Variants in CALN1 observed in about 807,000 individuals in gnomAD.
The protein encoded by CALN1 is calcium-binding protein 8.
A neutral mutation model predicts 30.6 loss-of-function variants in CALN1; 17 were observed. The observed-to-expected ratio is 0.56, with a 90% CI of 0.38 to 0.83. The LOEUF is 0.83. CALN1 is among the 40% of genes least tolerant of loss of function. CALN1 has a pLI of 0.00. For missense variants in CALN1, 291 were observed against 354.9 expected (o/e 0.82, Z 1.45); for synonymous variants, 156 against 131.4 (o/e 1.19, Z -1.28).
At chr7:71,948,168 A>G (rs1045924778) in intron 5 of CALN1, among the ~76,000 whole-genome samples, 6 of 152,078 alleles carry the variant, frequency 3.9e-5, no homozygotes, top group Non-Finnish European at 8.8e-5. Flanking sequence ...AGGACTCACA[A>G]TCGGTCTGGG....
At chr7:71,924,769 T>A (rs551078141) in intron 5 of CALN1, among the ~76,000 whole-genome samples, 3 of 152,274 alleles carry the variant, frequency 2.0e-5, no homozygotes, top group Admixed American at 6.5e-5. Flanking sequence ...TTCTCCTGAT[T>A]TTTTTCTCTC....
intron 2 of CALN1, among the ~76,000 whole-genome samples, chr7:72,358,715 C>T (rs1015314914): frequency 2.0e-5 from 3 of 152,002 alleles, no homozygotes; most frequent in Non-Finnish European, 2.9e-5. Flanking sequence ...CTTTGGGAGG[C>T]GGAGGCAAGC....
At chr7:72,501,515 TAAAGAAGG>T in the CALN1 span, among the ~76,000 whole-genome samples, 4 of 88,442 alleles carry the variant, frequency 4.5e-5, no homozygotes, top group African/African-American at 8.7e-5. Context: ...AGGAAGGAAG[TAAAGAAGG>T]AAAGAAGGAA....
intron 3 of CALN1, among the ~76,000 whole-genome samples, chr7:72,244,724 A>G (rs17581634): frequency 0.34 from 51,455 of 151,460 alleles, 10,029 homozygotes; most frequent in Middle Eastern, 0.53. Flanking sequence ...CCAGACAGAG[A>G]AAATATAGTT....
rs1179924527 is a variant in CALN1, at chr7:71,948,744, A to T, written c.501+74913T>A. Among the ~76,000 whole-genome samples the T allele has an allele frequency of 2.0e-3, 275 of 140,280 alleles. 3 individuals carry two copies. The highest frequency in any genetic ancestry group is 6.7e-3 in the African/African-American group (257 of 38,174). The allele number at this position is 140,280 out of a possible 152,430, so 92.0% of individuals were successfully genotyped here. On this transcript the variant is annotated intron_variant, in intron 5 of 6. Coordinates refer to ENST00000395275, the MANE Select transcript of CALN1 (RefSeq NM_031468.4). The stretch of plus-strand genomic sequence containing the variant: ...AGACTCTGTCTCAAAAAAAAAAAAA[A>T]TAATAATTTGTTTTCAGCCAGGTGC...
Position 71,971,953 on chromosome 7 carries a change from A to AAAAGAAAGAAAGAAAGAAAG in CALN1, c.501+51684_501+51703dup, listed in dbSNP as rs61083921. Among the ~76,000 whole-genome samples the AAAAGAAAGAAAGAAAGAAAG allele has an allele frequency of 2.8e-3, 201 of 72,752 alleles. 1 individual carries two copies. Among genetic ancestry groups the AAAAGAAAGAAAGAAAGAAAG allele is most frequent in the East Asian group, 0.023 (32 of 1,400 alleles). The allele number at this position is 72,752 out of a possible 152,430, so 47.7% of individuals were successfully genotyped here. ...CTCAAAAAAAAAAAAAAAAAAAAAAAAAAGAAAGAAAGAAAGAAAGAAAGA... is the reference window on the plus strand; with the variant it reads ...CTCAAAAAAAAAAAAAAAAAAAAAAAAAAGAAAGAAAGAAAGAAAGAAAGAAAGAAAGAAAGAAAGAAAGA... On this transcript the variant is annotated intron_variant, in intron 5 of 6. Coordinates refer to ENST00000395275, the MANE Select transcript of CALN1 (RefSeq NM_031468.4).
At chr7:72,180,524 CTTT>C (rs35465505) in intron 3 of CALN1, among the ~76,000 whole-genome samples, 4 of 113,658 alleles carry the variant, frequency 3.5e-5, no homozygotes, top group Non-Finnish European at 3.8e-5. Context: ...AGAAGGTGTC[CTTT>C]TTTTTTTTTT....
In CALN1 at chr7:72,328,115, T is replaced by TAA. The variant is rs781360699; in HGVS notation, c.120-49306_120-49305insTT. On this transcript the variant is annotated intron_variant, in intron 2 of 6. Transcript: ENST00000395275. ...TCTGTATAGCTTTTAATTTCTTTTT[T>TAA]TAAAAAAAAAATGTTTACTTTCATC... 4.1e-3 allele frequency among the ~76,000 whole-genome samples: 562 copies of TAA among 136,874 alleles called. 3 individuals carry two copies. The highest frequency in any genetic ancestry group is 6.0e-3 in the Non-Finnish European group (396 of 66,336). The allele number at this position is 136,874 out of a possible 152,430, so 89.8% of individuals were successfully genotyped here.
At chr7:72,348,894 A>G (rs1168317075) in intron 2 of CALN1, among the ~76,000 whole-genome samples, 1 of 152,228 alleles carries the variant, frequency 6.6e-6, no homozygotes, top group Non-Finnish European at 1.5e-5. Context: ...TAACACCCAC[A>G]GTGTCCATGG....
At chr7:71,802,824 A>C (rs967882774) in intron 6 of CALN1, among the ~76,000 whole-genome samples, 1 of 152,074 alleles carries the variant, frequency 6.6e-6, no homozygotes, top group African/African-American at 2.4e-5. Flanking sequence ...GGAGTTGGAG[A>C]CCAGCCTGGC....
At chr7:72,164,349 C>CAAAAAAAA (rs71531792) in intron 3 of CALN1, among the ~76,000 whole-genome samples, 2 of 117,436 alleles carry the variant, frequency 1.7e-5, no homozygotes. Context: ...AACACTCCGT[C>CAAAAAAAA]AAAAAAAAAA....
chr7:72,090,295 C>G (rs1448297881), intron 4 of CALN1, among the ~76,000 whole-genome samples: 1 of 151,722 alleles, frequency 6.6e-6, no homozygotes, highest in African/African-American at 2.4e-5. Context: ...GAGCTCCATC[C>G]GAAAAAGAAA....
At chr7:72,046,185 T>C (rs73188343) in intron 4 of CALN1, among the ~76,000 whole-genome samples, 24,448 of 151,704 alleles carry the variant, frequency 0.16, 2,379 homozygotes, top group Middle Eastern at 0.24. Flanking sequence ...TGGGGGTACA[T>C]GCCGACAGTC....
chr7:72,120,240 T>C (rs978356122), intron 3 of CALN1, among the ~76,000 whole-genome samples: 1 of 152,192 alleles, frequency 6.6e-6, no homozygotes, highest in African/African-American at 2.4e-5. Context: ...ACTAACATAT[T>C]AGCACATTTC....
At chr7:72,484,077 T>A in the CALN1 span, among the ~76,000 whole-genome samples, 1 of 152,310 alleles carries the variant, frequency 6.6e-6, no homozygotes, top group East Asian at 1.9e-4. Context: ...ATACTTGTTT[T>A]AATGTCCTGT....
the CALN1 span, among the ~76,000 whole-genome samples, chr7:72,462,944 T>C: frequency 6.6e-6 from 1 of 152,160 alleles, no homozygotes; most frequent in South Asian, 2.1e-4. Flanking sequence ...TCCCACATCT[T>C]CCATCAATGA....
In CALN1 at chr7:72,082,727, C is replaced by T. The variant is rs1399150503; in HGVS notation, c.388+23424G>A. Among the ~76,000 whole-genome samples the T allele has an allele frequency of 2.0e-5, 3 of 152,314 alleles. No individual in the cohort carries two copies. The East Asian group carries it at 5.8e-4, about 29-fold the overall frequency. On this transcript the variant is annotated intron_variant, in intron 4 of 6. Coordinates refer to ENST00000395275, the MANE Select transcript of CALN1 (RefSeq NM_031468.4). ...CTTTGAAGTTGCTGTGAACCAACTT[C>T]AACTAAAGCTGTAACAGAACTCCTA...
intron 5 of CALN1, among the ~76,000 whole-genome samples, chr7:71,873,224 T>C (rs1792049657): frequency 6.6e-6 from 1 of 151,802 alleles, no homozygotes; most frequent in South Asian, 2.1e-4. Context: ...GCCAGGCAGG[T>C]CTCGAACTAC....
chr7:72,251,070 C>T (rs1795521230), intron 3 of CALN1, among the ~76,000 whole-genome samples: 1 of 152,086 alleles, frequency 6.6e-6, no homozygotes, highest in Non-Finnish European at 1.5e-5. Context: ...TGAGGCTGCA[C>T]CCTTTCAAGC....
Sources: allele counts gnomAD v4.1 joint callset (sites outside exome capture counted in the v4.1 genomes callset), GRCh38; gene constraint gnomAD v4.1.1; transcripts MANE v1.5; gene names NCBI Gene and HGNC (gene_info 2026-07-23, HGNC 2026-07-21).